The following TTLL4 variants were observed in gnomAD, a reference collection of about 807,000 sequenced individuals.
The protein encoded by TTLL4 is tubulin tyrosine ligase like 4.
Under a neutral mutation model 122.7 loss-of-function variants are expected in TTLL4, and 85 were observed. That is an observed-to-expected ratio of 0.69 (90% CI 0.58 to 0.83). The LOEUF (loss-of-function observed/expected upper bound fraction) is 0.83. Ranked by LOEUF, TTLL4 falls within the 40% of genes least tolerant of loss-of-function variation. The probability of loss-of-function intolerance (pLI) is 0.00; values close to 1 mark genes in which losing one functional copy is unlikely to be tolerated. For synonymous variants in TTLL4, 553 were observed against 563.0 expected (o/e 0.98, Z 0.25); for missense variants, 1,363 against 1,488.6 (o/e 0.92, Z 1.39).
intron 1 of TTLL4, among the ~76,000 whole-genome samples, chr2:218,722,101 G>A (rs1192492284): frequency 6.6e-6 from 1 of 152,108 alleles, no homozygotes; most frequent in Non-Finnish European, 1.5e-5. Context: ...TGGCAAGATA[G>A]CAAGACCTTA....
intron 2 of TTLL4, among the ~76,000 whole-genome samples, chr2:218,737,110 G>T (rs1190905732): frequency 6.6e-6 from 1 of 152,158 alleles, no homozygotes; most frequent in Non-Finnish European, 1.5e-5. Flanking sequence ...GCCTCACCTG[G>T]ACTCAAATAA....
downstream of TTLL4, among the ~76,000 whole-genome samples, chr2:218,757,917 C>T (rs951492349): frequency 1.3e-5 from 2 of 152,174 alleles, no homozygotes; most frequent in Non-Finnish European, 2.9e-5. Context: ...TCGAATCCCC[C>T]AACTGCTGTG....
At chr2:218,714,717 G>C (rs1366911240) in intron 1 of TTLL4, among the ~76,000 whole-genome samples, 1 of 151,068 alleles carries the variant, frequency 6.6e-6, no homozygotes, top group Non-Finnish European at 1.5e-5. Context: ...AAGCTCTTTG[G>C]AATCTTCAGT....
At chr2:218,723,428 T>C (rs773836240) in intron 1 of TTLL4, among the ~76,000 whole-genome samples, 1 of 152,236 alleles carries the variant, frequency 6.6e-6, no homozygotes, top group Non-Finnish European at 1.5e-5. Flanking sequence ...TGTATGTTGA[T>C]GGGTCCTAGA....
intron 6 of TTLL4, 144 bp downstream of exon 6, chr2:218,745,377 G>T: frequency 9.1e-7 from 1 of 1,100,604 alleles, no homozygotes; most frequent in Non-Finnish European, 1.3e-6. Flanking sequence ...TTCCCCATGT[G>T]GTCGTAGGTC....
chr2:218,748,446 G>C, intron 12 of TTLL4: 1 of 631,628 alleles, frequency 1.6e-6, no homozygotes, highest in Admixed American at 3.2e-5. Context: ...CCTGAGTTCA[G>C]GAGTACAGGA....
intron 15 of TTLL4, among the ~76,000 whole-genome samples, chr2:218,751,207 T>C (rs987796547): frequency 6.6e-6 from 1 of 152,188 alleles, no homozygotes; most frequent in Admixed American, 6.5e-5. Context: ...CACAAGCTCC[T>C]TGGGGGCAAG....
At chr2:218,711,485 C>T (rs540142865) in intron 1 of TTLL4, among the ~76,000 whole-genome samples, 7 of 152,326 alleles carry the variant, frequency 4.6e-5, no homozygotes, top group African/African-American at 1.7e-4. Flanking sequence ...TTCCTAAACT[C>T]CACAGATTCA....
downstream of TTLL4, among the ~76,000 whole-genome samples, chr2:218,757,521 G>T (rs543213868): frequency 6.6e-6 from 1 of 152,320 alleles, no homozygotes; most frequent in Non-Finnish European, 1.5e-5. Context: ...GTGGGTGTCA[G>T]GTGGCTGGAA....
chr2:218,750,878 C>CT (rs1446355225), intron 15 of TTLL4, among the ~76,000 whole-genome samples: 2 of 149,144 alleles, frequency 1.3e-5, no homozygotes, highest in Admixed American at 6.6e-5. Flanking sequence ...TTTTTTTTTT[C>CT]TTTTTTCATA....
chr2:218,713,218 A>C (rs1365592818), intron 1 of TTLL4, among the ~76,000 whole-genome samples: 1 of 151,566 alleles, frequency 6.6e-6, no homozygotes, highest in Non-Finnish European at 1.5e-5. Context: ...CTTCTCTACA[A>C]AAAAAAATAT....
chr2:218,715,695 T>C (rs1941838062), intron 1 of TTLL4, among the ~76,000 whole-genome samples: 1 of 152,060 alleles, frequency 6.6e-6, no homozygotes, highest in Non-Finnish European at 1.5e-5. Context: ...AGTGGCGCAA[T>C]CTCGGCTCAC....
intron 2 of TTLL4, among the ~76,000 whole-genome samples, chr2:218,735,967 CTTTTT>C (rs765207077): frequency 1.3e-5 from 1 of 79,964 alleles, no homozygotes; most frequent in Non-Finnish European, 2.2e-5. Context: ...CGTGCCCAGC[CTTTTT>C]TTTTTTTTTT....
chr2:218,724,083 G>C (rs1453930656), intron 1 of TTLL4, among the ~76,000 whole-genome samples: 1 of 152,168 alleles, frequency 6.6e-6, no homozygotes, highest in Non-Finnish European at 1.5e-5. Context: ...TCAAAAACCA[G>C]TTCACACAGA....
Position 218,735,742 on chromosome 2 carries a change from G to A in TTLL4, c.-98-1837G>A, listed in dbSNP as rs140556280. On this transcript the variant is annotated intron_variant, in intron 2 of 19. Transcript: ENST00000392102. Reference sequence around the variant, plus strand: ...GGCTGGAGTGCGATGGCGCGATCTCGGCTCACTGCAACCTCCGCCTCCCGA... The same window carrying A: ...GGCTGGAGTGCGATGGCGCGATCTCAGCTCACTGCAACCTCCGCCTCCCGA... 5.8e-3 allele frequency among the ~76,000 whole-genome samples: 872 copies of A among 151,428 alleles called. 9 individuals are homozygous for A. Among genetic ancestry groups the A allele is most frequent in the African/African-American group, 0.02 (810 of 41,248 alleles).
chr2:218,720,211 A>C (rs1435355648), intron 1 of TTLL4, among the ~76,000 whole-genome samples: 1 of 152,192 alleles, frequency 6.6e-6, no homozygotes, highest in African/African-American at 2.4e-5. Context: ...ACAAATCTGC[A>C]AAATGACTCT....
At chr2:218,749,077 A>G in intron 13 of TTLL4, 143 bp downstream of exon 13, 2 of 1,244,960 alleles carry the variant, frequency 1.6e-6, no homozygotes, top group African/African-American at 1.5e-5. Context: ...GCCAGAGTTA[A>G]GTTCTAATGA....
At chr2:218,753,712 T>C (rs1943086732) in intron 19 of TTLL4, 43 bp downstream of exon 19, 1 of 1,600,136 alleles carries the variant, frequency 6.2e-7, no homozygotes, top group Non-Finnish European at 8.6e-7. Context: ...GGCTGTGAGT[T>C]TGTAGAGTTT....
chr2:218,743,092 C>T (rs866219496), intron 5 of TTLL4, among the ~76,000 whole-genome samples: 8 of 152,028 alleles, frequency 5.3e-5, no homozygotes, highest in Admixed American at 4.6e-4. Context: ...TGCAGTGAGC[C>T]GGTATCGTGC....
Sources: gnomAD v4.1 joint callset for allele counts (sites outside exome capture counted in the v4.1 genomes callset) on GRCh38, gnomAD v4.1.1 for gene constraint, MANE v1.5 for transcripts, NCBI Gene and HGNC (gene_info 2026-07-23, HGNC 2026-07-21) for gene names.